The following RETREG2 variants were observed in gnomAD, a reference collection of about 807,000 sequenced individuals.
The protein encoded by RETREG2 is reticulophagy regulator family member 2, also known as reticulophagy regulator 2.
In RETREG2, 21 loss-of-function variants were observed where a neutral mutation model predicts 51.6. That is an observed-to-expected ratio of 0.41 (90% CI 0.29 to 0.59). RETREG2 has a LOEUF of 0.59. Ranked by LOEUF, RETREG2 falls within the 20% of genes least tolerant of loss-of-function variation. The probability of loss-of-function intolerance (pLI) is 0.34; values close to 1 mark genes in which losing one functional copy is unlikely to be tolerated. For synonymous variants in RETREG2, 339 were observed against 288.6 expected (o/e 1.17, Z -1.77); for missense variants, 674 against 646.0 (o/e 1.04, Z -0.47).
At chr2:219,180,889 T>C (rs1293812520) in intron 5 of RETREG2, 135 bp downstream of exon 5, 2 of 1,340,858 alleles carry the variant, frequency 1.5e-6, no homozygotes, top group Non-Finnish European at 2.1e-6. Context: ...TTAGTATTAG[T>C]AACTGTGGAA....
In RETREG2 at chr2:219,181,424, G is replaced by C. The variant is rs553054468; in HGVS notation, c.840G>C (p.Glu280Asp). The change falls in exon 7 of 9, where the codon GAG becomes GAC. Residue 280 changes from glutamate to aspartate, a missense_variant. By Grantham distance (45) the Glu-to-Asp change is conservative. Transcript: ENST00000430297. ...PGGDEPLAET[E>D]SESEAELAGF... ...GTGATGAGCCACTGGCAGAGACAGA[G>C]AGTGAAAGCGAGGCAGAGCTGGCTG... The C allele has an allele frequency of 3.1e-6, 5 of 1,614,170 alleles. No homozygotes were observed. The highest frequency in any genetic ancestry group is 1.1e-5 in the South Asian group (1 of 91,092).
intron 5 of RETREG2, 54 bp from the exon 6 acceptor site, chr2:219,181,008 G>A: frequency 6.2e-7 from 1 of 1,604,544 alleles, no homozygotes; most frequent in Non-Finnish European, 8.5e-7. Context: ...AGTTGAATGG[G>A]GGCTCTTAGG....
intron 5 of RETREG2, 120 bp from the exon 6 acceptor site, chr2:219,180,942 T>A (rs1950269669): frequency 6.9e-7 from 1 of 1,454,956 alleles, no homozygotes; most frequent in Non-Finnish European, 9.4e-7. Context: ...CAAGAAGAGG[T>A]TGGCACAGCC....
rs750351015 is a variant in RETREG2, at chr2:219,180,680, G to A, written c.566G>A (p.Arg189Gln). The A allele has an allele frequency of 1.4e-5, 22 of 1,613,778 alleles. No individual in the cohort carries two copies. The East Asian group carries it at 2.0e-4, about 15-fold the overall frequency. Reference protein sequence around the residue: ...KRQNPAQFCVRVCSGCAVLAV... With the variant: ...KRQNPAQFCVQVCSGCAVLAV... ...TGCTCTTCTCTGCAGTTCTGCGTTC[G>A]AGTCTGCTCTGGCTGTGCTGTGTTG... is the stretch of plus-strand genomic sequence containing the variant. Residue 189 changes from arginine (R) to glutamine (Q), a missense_variant, in exon 5 of 9, where the codon CGA becomes CAA. By Grantham distance (43) the Arg-to-Gln change is conservative. Transcript: ENST00000430297.
rs1436026596 is a variant in RETREG2 at position 219,181,535 on chromosome 2, C to T, written c.879+72C>T. The T allele has an allele frequency of 5.6e-6, 9 of 1,595,426 alleles. No individual in the cohort carries two copies. The East Asian group carries it at 8.9e-5, about 16-fold the overall frequency. The stretch of plus-strand genomic sequence containing the variant: ...AAATCTTTCTGCTTTGGAGCTGCCA[C>T]CTCCAAAGGAGGTGGAAGCCAGAGG... On this transcript the variant is annotated intron_variant, in intron 7 of 8. Transcript: ENST00000430297.
chr2:219,178,533 C>A lies in RETREG2; in HGVS notation c.181C>A (p.Arg61Ser). 1 of 1,432,912 alleles carries A rather than the reference C, an allele frequency of 7.0e-7. No individual in the cohort carries two copies. The highest frequency in any genetic ancestry group is 9.1e-7 in the Non-Finnish European group (1 of 1,100,984). 88.8% of individuals were successfully genotyped at this position (1,432,912 alleles called of 1,614,324 possible). A position where few individuals can be genotyped will look rare whatever the true frequency, so the allele number is the denominator to read the frequency against. The part of the protein sequence containing the change: ...RLATTLWLRL[R>S]GWEAVLAAAQ... Reference sequence around the variant, plus strand: ...GGCCACGACGCTGTGGCTGCGGCTCCGCGGCTGGGAGGCGGTGCTGGCGGC... The same window carrying A: ...GGCCACGACGCTGTGGCTGCGGCTCAGCGGCTGGGAGGCGGTGCTGGCGGC... The change falls in exon 1 of 9, where the codon CGC becomes AGC. Residue 61 changes from arginine (R) to serine (S), a missense_variant. Coordinates refer to ENST00000430297, the MANE Select transcript of RETREG2 (RefSeq NM_024293.6).
Position 219,182,132 on chromosome 2 carries a change from T to C in RETREG2, c.1135T>C (p.Ser379Pro), listed in dbSNP as rs1397301223. ...CCTACTAGGCCGTCCTCAAGCTCTG[T>C]CAAGGCAAGCCCTGGACTCGGAGGA... Reference protein sequence around the residue: ...EDLLGRPQALSRQALDSEEEE... With the variant: ...EDLLGRPQALPRQALDSEEEE... The change falls in exon 9 of 9, where the codon TCA becomes CCA. Residue 379 changes from serine (S) to proline (P), a missense_variant. Coordinates refer to ENST00000430297, the MANE Select transcript of RETREG2 (RefSeq NM_024293.6). The C allele has an allele frequency of 1.9e-6, 3 of 1,613,964 alleles. No homozygotes were observed. Among genetic ancestry groups the C allele is most frequent in the East Asian group, 4.5e-5 (2 of 44,890 alleles).
chr2:219,181,928 T>G, intron 8 of RETREG2, 85 bp from the exon 9 acceptor site: 1 of 1,568,026 alleles, frequency 6.4e-7, no homozygotes, highest in Non-Finnish European at 8.7e-7. Context: ...TTCCATGTCT[T>G]GAGTTCTCAT....
At chr2:219,180,296 G>A in intron 4 of RETREG2, 51 bp downstream of exon 4, 2 of 1,609,462 alleles carry the variant, frequency 1.2e-6, no homozygotes, top group Non-Finnish European at 1.7e-6. Flanking sequence ...GGGGAATAGA[G>A]GTGGCGGGGG....
Position 219,182,619 on chromosome 2 carries a change from C to T in RETREG2, c.1622C>T (p.Ala541Val), listed in dbSNP as rs760773154. Residue 541 changes from alanine to valine, a missense_variant, in exon 9 of 9, where the codon GCA becomes GTA. By Grantham distance (64) the Ala-to-Val change is moderately conservative. Coordinates refer to ENST00000430297, the MANE Select transcript of RETREG2 (RefSeq NM_024293.6). ...VQSDQEAQAV[A>V]EP Reference sequence around the variant, plus strand: ...TCAGACCAAGAAGCTCAGGCCGTGGCAGAGCCATGAGCCAGCCGTTGAGGA... The same window carrying T: ...TCAGACCAAGAAGCTCAGGCCGTGGTAGAGCCATGAGCCAGCCGTTGAGGA... The T allele has an allele frequency of 6.2e-7, 1 of 1,613,808 alleles. No homozygotes were observed. Among genetic ancestry groups the T allele is most frequent in the East Asian group, 2.2e-5 (1 of 44,880 alleles).
Position 219,179,022 on chromosome 2 carries a change from G to A in RETREG2, c.382G>A (p.Val128Ile). The change falls in exon 2 of 9, where the codon GTT (valine) becomes ATT (isoleucine). Residue 128 changes from valine to isoleucine, a missense_variant. Physicochemically the swap from Val to Ile is conservative, Grantham distance 29. Coordinates refer to ENST00000430297, the MANE Select transcript of RETREG2 (RefSeq NM_024293.6). ...DLWQPRFLPD[V>I]SASSPEEPHS... ...CTGGCAGCCTCGCTTTCTCCCTGAC[G>A]TTTCAGGTGAGTGTTTCTTCATTCA... is the stretch of plus-strand genomic sequence containing the variant. 2.5e-6 allele frequency: 4 copies of A among 1,607,470 alleles called. No individual in the cohort carries two copies. Among genetic ancestry groups the A allele is most frequent in the Non-Finnish European group, 3.4e-6 (4 of 1,174,130 alleles).
Position 219,184,843 on chromosome 2 carries a change from T to TTTTTTTTTTTTG in RETREG2, c.*2215_*2216insTTTTTTTTTTGT, listed in dbSNP as rs1425661912. Reference sequence around the variant, plus strand: ...TTTGTGGGTTTTTTTTTTTTTTTTTTTGAGACGGAGTCTTGTTCTGTTGCC... The same window carrying TTTTTTTTTTTTG: ...TTTGTGGGTTTTTTTTTTTTTTTTTTTTTTTTTTTTTGTGAGACGGAGTCTTGTTCTGTTGCC... On this transcript the variant is annotated 3_prime_UTR_variant, in exon 9 of 9. Coordinates refer to ENST00000430297, the MANE Select transcript of RETREG2 (RefSeq NM_024293.6). The TTTTTTTTTTTTG allele has an allele frequency of 6.8e-6, 1 of 146,252 alleles. No individual in the cohort carries two copies. Among genetic ancestry groups the TTTTTTTTTTTTG allele is most frequent in the African/African-American group, 2.5e-5 (1 of 39,904 alleles). The allele number at this position is 146,252 out of a possible 1,614,324, so 9.1% of individuals were successfully genotyped here.
In RETREG2 at chr2:219,182,318, G is replaced by A. The variant is rs772570495; in HGVS notation, c.1321G>A (p.Gly441Ser). ...ETLSPETVSG[G>S]LTALPGTLSP... ...ACTGAGCCCCGAGACAGTGAGTGGT[G>A]GCCTCACTGCTCTGCCCGGCACCCT... The change falls in exon 9 of 9, where the codon GGC (glycine) becomes AGC (serine). Residue 441 changes from glycine to serine, a missense_variant. By Grantham distance (56) the Gly-to-Ser change is moderately conservative. Transcript: ENST00000430297. 1 of 1,613,968 alleles carries A rather than the reference G, an allele frequency of 6.2e-7. No individual in the cohort carries two copies. Among genetic ancestry groups the A allele is most frequent in the Admixed American group, 1.7e-5 (1 of 59,994 alleles).
In RETREG2 at chr2:219,180,258, A is replaced by G. The variant is rs1049714971; in HGVS notation, c.555+13A>G. 1.1e-5 allele frequency: 17 copies of G among 1,613,948 alleles called. No individual in the cohort carries two copies. Among genetic ancestry groups the G allele is most frequent in the Non-Finnish European group, 1.4e-5 (17 of 1,179,966 alleles). On this transcript the variant is annotated intron_variant, in intron 4 of 8. Transcript: ENST00000430297. Reference sequence around the variant, plus strand: ...GAATCCAGCTCAGGTAACCTCCCCTACATCATACAACAGTTCACTACACTG... The same window carrying G: ...GAATCCAGCTCAGGTAACCTCCCCTGCATCATACAACAGTTCACTACACTG...
In RETREG2 at chr2:219,181,443, C is replaced by T; in HGVS notation, c.859C>T (p.Leu287=). Residue 287 remains leucine (L), a synonymous_variant, in exon 7 of 9, where the codon CTG becomes TTG. Transcript: ENST00000430297. ...AETESESEAE[L]AGFSPVVDVK... ...GACAGAGAGTGAAAGCGAGGCAGAG[C>T]TGGCTGGCTTCTCCCCAGTGGTGAG... The T allele has an allele frequency of 6.2e-7, 1 of 1,614,084 alleles. No individual in the cohort carries two copies. Among genetic ancestry groups the T allele is most frequent in the Non-Finnish European group, 8.5e-7 (1 of 1,180,000 alleles).
At chr2:219,181,257 T>TG in intron 6 of RETREG2, 52 bp downstream of exon 6, 1 of 1,611,696 alleles carries the variant, frequency 6.2e-7, no homozygotes, top group Non-Finnish European at 8.5e-7. Context: ...GGCCTTGGCT[T>TG]GGGGTTCATG....
Position 219,180,229 on chromosome 2 carries a change from G to A in RETREG2, c.539G>A (p.Arg180Lys). 1 of 1,614,176 alleles carries A rather than the reference G, an allele frequency of 6.2e-7. No homozygotes were observed. Among genetic ancestry groups the A allele is most frequent in the Non-Finnish European group, 8.5e-7 (1 of 1,180,012 alleles). The change falls in exon 4 of 9, where the codon AGG (arginine) becomes AAG (lysine). Residue 180 changes from arginine to lysine, a missense_variant. Physicochemically the swap from Arg to Lys is conservative, Grantham distance 26. Coordinates refer to ENST00000430297, the MANE Select transcript of RETREG2 (RefSeq NM_024293.6). Reference sequence around the variant, plus strand: ...CTGCAGGAGCTGCTGCAGTACAAGAGGCAGAATCCAGCTCAGGTAACCTCC... The same window carrying A: ...CTGCAGGAGCTGCTGCAGTACAAGAAGCAGAATCCAGCTCAGGTAACCTCC... ...IHLQELLQYK[R>K]QNPAQFCVRV...
At chr2:219,179,139 G>A (rs1160420406) in intron 2 of RETREG2, 111 bp downstream of exon 2, 1 of 805,570 alleles carries the variant, frequency 1.2e-6, no homozygotes, top group Non-Finnish European at 2.2e-6. Flanking sequence ...CTGCCTCCCA[G>A]GCATGGCCCA....
In RETREG2 at chr2:219,182,147, G is replaced by A; in HGVS notation, c.1150G>A (p.Asp384Asn). The change falls in exon 9 of 9, where the codon GAC (aspartate) becomes AAC (asparagine). Residue 384 changes from aspartate to asparagine, a missense_variant. Physicochemically the swap from Asp to Asn is conservative, Grantham distance 23 (BLOSUM62 1). Coordinates refer to ENST00000430297, the MANE Select transcript of RETREG2 (RefSeq NM_024293.6). The stretch of plus-strand genomic sequence containing the variant: ...TCAAGCTCTGTCAAGGCAAGCCCTG[G>A]ACTCGGAGGAAGAGGAAGAGGATGT... ...RPQALSRQAL[D>N]SEEEEEDVAA... 3 of 1,614,110 alleles carry A rather than the reference G, an allele frequency of 1.9e-6. No homozygotes were observed. The highest frequency in any genetic ancestry group is 2.5e-6 in the Non-Finnish European group (3 of 1,180,042).
Sources: gnomAD v4.1 joint callset for allele counts on GRCh38, gnomAD v4.1.1 for gene constraint, MANE v1.5 for transcripts, NCBI Gene and HGNC (gene_info 2026-07-23, HGNC 2026-07-21) for gene names.